The following SOBP variants were observed in gnomAD, a reference collection of about 807,000 sequenced individuals.
SOBP encodes the protein sine oculis-binding protein homolog.
Under a neutral mutation model 53.6 loss-of-function variants are expected in SOBP, and 4 were observed. The observed-to-expected ratio is 0.07, with a 90% CI of 0.04 to 0.17. The LOEUF (loss-of-function observed/expected upper bound fraction) is 0.17, where lower values mean the gene tolerates loss of function less well. Among genes scored for constraint, SOBP ranks in the 10% least tolerant of loss-of-function variants. The probability of loss-of-function intolerance (pLI) is 1.00; values close to 1 mark genes in which losing one functional copy is unlikely to be tolerated. For missense variants in SOBP, 1,088 were observed against 1,204.7 expected, an observed-to-expected ratio of 0.90 and a Z score of 1.43; for synonymous variants, 584 against 522.6, an observed-to-expected ratio of 1.12 and a Z score of -1.60.
At chr6:107,556,828 G>A (rs1488510356) in intron 4 of SOBP, among the ~76,000 whole-genome samples, 7 of 152,176 alleles carry the variant, frequency 4.6e-5, no homozygotes, top group African/African-American at 1.7e-4. Flanking sequence ...CCTCGGAGCA[G>A]ATGTGTCCAT....
At chr6:107,590,705 A>G (rs1785715435) in intron 5 of SOBP, among the ~76,000 whole-genome samples, 1 of 152,174 alleles carries the variant, frequency 6.6e-6, no homozygotes, top group African/African-American at 2.4e-5. Flanking sequence ...TAGGGAGTAT[A>G]TGAAAACTAC....
At chr6:107,617,309 A>T (rs1467534658) in intron 5 of SOBP, among the ~76,000 whole-genome samples, 1 of 152,266 alleles carries the variant, frequency 6.6e-6, no homozygotes, top group South Asian at 2.1e-4. Flanking sequence ...AACTCTCGAG[A>T]TAAGATTAAT....
chr6:107,538,352 T>C (rs1286216982), intron 4 of SOBP, among the ~76,000 whole-genome samples: 3 of 152,194 alleles, frequency 2.0e-5, no homozygotes, highest in Admixed American at 2.0e-4. Flanking sequence ...CAAGATTTAA[T>C]TTGCAAAATG....
rs374151767 is a variant in SOBP, at chr6:107,502,572, AC to A, written c.97-1084del. 6.4e-3 allele frequency among the ~76,000 whole-genome samples: 977 copies of A among 152,310 alleles called. 12 individuals are homozygous for A. Among genetic ancestry groups the A allele is most frequent in the African/African-American group, 0.023 (937 of 41,578 alleles). The stretch of plus-strand genomic sequence containing the variant: ...ACAACAGCAACAGTGATATTATCTT[AC>A]ATTTATGTATTGATTTATAGTTCAT... On this transcript the variant is annotated intron_variant, in intron 1 of 6. Transcript: ENST00000317357.
intron 5 of SOBP, among the ~76,000 whole-genome samples, chr6:107,603,191 G>A (rs1786248537): frequency 6.6e-6 from 1 of 152,218 alleles, no homozygotes; most frequent in Admixed American, 6.5e-5. Flanking sequence ...TGGGCATTTT[G>A]TGTGCTGTTT....
intron 5 of SOBP, among the ~76,000 whole-genome samples, chr6:107,609,959 A>G (rs1331267367): frequency 6.6e-6 from 1 of 152,124 alleles, no homozygotes; most frequent in African/African-American, 2.4e-5. Context: ...CCCACTCTAA[A>G]TACACATATC....
At chr6:107,643,285 C>G (rs1308956383) in intron 6 of SOBP, among the ~76,000 whole-genome samples, 1 of 152,134 alleles carries the variant, frequency 6.6e-6, no homozygotes, top group African/African-American at 2.4e-5. Context: ...TCAACAAGCT[C>G]TTTTGATATT....
At chr6:107,564,830 A>G (rs891607335) in intron 4 of SOBP, among the ~76,000 whole-genome samples, 10 of 152,210 alleles carry the variant, frequency 6.6e-5, no homozygotes, top group African/African-American at 2.4e-4. Context: ...TGAGATACCA[A>G]ATATTTTTCC....
chr6:107,604,541 A>C (rs1390822922), intron 5 of SOBP, among the ~76,000 whole-genome samples: 16 of 51,332 alleles, frequency 3.1e-4, no homozygotes, highest in African/African-American at 6.5e-4. Flanking sequence ...CCTCTATCCC[A>C]CCTCTACCCC....
chr6:107,615,198 T>C (rs151118631), intron 5 of SOBP, among the ~76,000 whole-genome samples: 122 of 152,318 alleles, frequency 8.0e-4, no homozygotes, highest in African/African-American at 2.8e-3. Flanking sequence ...GTGGTCGGCA[T>C]GATCATGGTC....
In SOBP at chr6:107,550,346, C is replaced by T. The variant is rs79059173; in HGVS notation, c.573+16736C>T. Among the ~76,000 whole-genome samples, 45 of 152,316 alleles carry T rather than the reference C, an allele frequency of 3.0e-4. No individual in the cohort carries two copies. The East Asian group carries it at 6.9e-3, about 24-fold the overall frequency. Reference sequence around the variant, plus strand: ...TTAGACATCTGAGACGTGGTTTCTGCTCAGAAGAGTGTCTGTTTGAGCGTG... The same window carrying T: ...TTAGACATCTGAGACGTGGTTTCTGTTCAGAAGAGTGTCTGTTTGAGCGTG... On this transcript the variant is annotated intron_variant, in intron 4 of 6. Coordinates refer to ENST00000317357, the MANE Select transcript of SOBP (RefSeq NM_018013.4).
At chr6:107,612,362 G>A (rs1207839827) in intron 5 of SOBP, among the ~76,000 whole-genome samples, 1 of 152,232 alleles carries the variant, frequency 6.6e-6, no homozygotes, top group Non-Finnish European at 1.5e-5. Context: ...TACATTCACA[G>A]AAGTTTGAAC....
Position 107,490,717 on chromosome 6 carries a change from T to G in SOBP, c.96+5T>G. 1 of 1,524,122 alleles carries G rather than the reference T, an allele frequency of 6.6e-7. No homozygotes were observed. Among genetic ancestry groups the G allele is most frequent in the South Asian group, 1.2e-5 (1 of 86,722 alleles). The allele number at this position is 1,524,122 out of a possible 1,614,324, so 94.4% of individuals were successfully genotyped here. On this transcript the variant is annotated splice_donor_5th_base_variant and intron_variant, in intron 1 of 6. Transcript: ENST00000317357. ...GAGATCAATGAGGAGATGAAGGTAT[T>G]TTTTGATCTCGGGGGCCAGGGAGAC...
chr6:107,509,777 G>C (rs1230526322), intron 3 of SOBP: 1 of 152,176 alleles, frequency 6.6e-6, no homozygotes, highest in African/African-American at 2.4e-5. Context: ...TTAGATGTAG[G>C]AACTCTGAGG....
chr6:107,521,858 A>G (rs1012365920), intron 3 of SOBP, among the ~76,000 whole-genome samples: 1 of 151,648 alleles, frequency 6.6e-6, no homozygotes, highest in Non-Finnish European at 1.5e-5. Context: ...CAAAACAGAT[A>G]TGCTCCTGTC....
In SOBP at chr6:107,634,812, G is replaced by A; in HGVS notation, c.1968G>A (p.Leu656=). 1.4e-6 allele frequency: 2 copies of A among 1,409,410 alleles called. No homozygotes were observed. The highest frequency in any genetic ancestry group is 9.3e-7 in the Non-Finnish European group (1 of 1,078,846). 87.3% of individuals were successfully genotyped at this position (1,409,410 alleles called of 1,614,324 possible). A position where few individuals can be genotyped will look rare whatever the true frequency, so the allele number is the denominator to read the frequency against. ...LQGPQDGVID[L]TVGHRARLHN... is the part of the protein sequence containing the mutation. Reference sequence around the variant, plus strand: ...GCCCGCAGGACGGCGTCATCGACCTGACCGTGGGCCACCGAGCCCGGCTGC... The same window carrying A: ...GCCCGCAGGACGGCGTCATCGACCTAACCGTGGGCCACCGAGCCCGGCTGC... Residue 656 remains leucine, a synonymous_variant, in exon 6 of 7, where the codon CTG becomes CTA. Transcript: ENST00000317357. The surrounding 1 kb of genome is among the most constrained non-coding windows in gnomAD (Gnocchi z 4.5).
In SOBP at chr6:107,500,605, T is replaced by A. The variant is rs550420356; in HGVS notation, c.97-3052T>A. Among the ~76,000 whole-genome samples, 17 of 151,726 alleles carry A rather than the reference T, an allele frequency of 1.1e-4. 1 individual carries two copies. In the South Asian group the frequency reaches 3.6e-3, roughly 32 times the overall value. On this transcript the variant is annotated intron_variant, in intron 1 of 6. Coordinates refer to ENST00000317357, the MANE Select transcript of SOBP (RefSeq NM_018013.4). ...GGCGCGATCTCGGCTCACTGCAAGC[T>A]CCGCCTCCCGGGTTCACGCCATTCT...
At chr6:107,625,753 C>T (rs1039918596) in intron 5 of SOBP, among the ~76,000 whole-genome samples, 3 of 152,104 alleles carry the variant, frequency 2.0e-5, no homozygotes, top group South Asian at 4.1e-4. Context: ...GCAATCCTTC[C>T]AAAAAGTCCT....
intron 4 of SOBP, among the ~76,000 whole-genome samples, chr6:107,549,034 G>A (rs1403296447): frequency 1.3e-5 from 2 of 152,102 alleles, no homozygotes; most frequent in Non-Finnish European, 2.9e-5. Context: ...TTGGGGGGCC[G>A]AGGCGGGCAG....
Sources: gnomAD v4.1 joint callset for allele counts (sites outside exome capture counted in the v4.1 genomes callset) on GRCh38, gnomAD v4.1.1 for gene constraint, Gnocchi (gnomAD v3.1) non-coding constraint, MANE v1.5 for transcripts, NCBI Gene and HGNC (gene_info 2026-07-23, HGNC 2026-07-21) for gene names.